The following AGMO variants were observed in gnomAD, a reference collection of about 807,000 sequenced individuals.
AGMO encodes alkylglycerol monooxygenase.
AGMO carries 75 observed loss-of-function variants against 60.2 expected under a neutral mutation model. The observed-to-expected ratio is 1.25, with a 90% CI of 1.03 to 1.51. AGMO has a LOEUF of 1.51. Ranked by LOEUF, AGMO falls within the 40% of genes most tolerant of loss-of-function variation. The pLI, the probability that AGMO is intolerant of heterozygous loss-of-function variation, is 0.00. For missense variants in AGMO, 763 were observed against 525.5 expected, an observed-to-expected ratio of 1.45 and a Z score of -4.42; for synonymous variants, 261 against 177.1, an observed-to-expected ratio of 1.47 and a Z score of -3.76.
the AGMO span, among the ~76,000 whole-genome samples, chr7:15,193,463 A>G: frequency 6.6e-6 from 1 of 152,132 alleles, no homozygotes; most frequent in African/African-American, 2.4e-5. Context: ...ACATAATATA[A>G]GTTTATCTCT....
intron 12 of AGMO, among the ~76,000 whole-genome samples, chr7:15,233,466 C>G (rs1042381657): frequency 6.6e-6 from 1 of 151,770 alleles, no homozygotes; most frequent in Non-Finnish European, 1.5e-5. Context: ...GAAGCAGTTA[C>G]AAAAATGATG....
chr7:15,259,801 C>A (rs1015064861), intron 12 of AGMO, among the ~76,000 whole-genome samples: 18 of 140,664 alleles, frequency 1.3e-4, no homozygotes, highest in African/African-American at 4.8e-4. Flanking sequence ...TTGTATCCAG[C>A]AAAACTAAGC....
At chr7:15,491,849 A>G (rs1253361869) in intron 3 of AGMO, among the ~76,000 whole-genome samples, 1 of 151,930 alleles carries the variant, frequency 6.6e-6, no homozygotes, top group Non-Finnish European at 1.5e-5. Context: ...AGAGGAACTA[A>G]GCCATTTGGT....
At chr7:15,161,282 T>C in the AGMO span, among the ~76,000 whole-genome samples, 5 of 152,140 alleles carry the variant, frequency 3.3e-5, no homozygotes, top group Admixed American at 6.6e-5. Context: ...ATCTAAGCAG[T>C]TGAAAGCTTT....
In AGMO at chr7:15,385,568, G is replaced by T. The variant is rs1284699120; in HGVS notation, c.958-6C>A. On this transcript the variant is annotated splice_region_variant and splice_polypyrimidine_tract_variant and intron_variant, in intron 9 of 12. Transcript: ENST00000342526. ...GGAACTTCTTTGCCGGTGACCTAGG[G>T]AGACAAGAACCATTTCCTTTATATT... 2 of 1,536,636 alleles carry T rather than the reference G, an allele frequency of 1.3e-6. No individual in the cohort carries two copies. The highest frequency in any genetic ancestry group is 1.8e-6 in the Non-Finnish European group (2 of 1,110,272).
the AGMO span, among the ~76,000 whole-genome samples, chr7:15,194,099 C>G: frequency 6.6e-6 from 1 of 152,114 alleles, no homozygotes; most frequent in Non-Finnish European, 1.5e-5. Context: ...CATACTATCT[C>G]TACAAAACAA....
chr7:15,121,215 C>A, the AGMO span, among the ~76,000 whole-genome samples: 1 of 152,162 alleles, frequency 6.6e-6, no homozygotes, highest in Non-Finnish European at 1.5e-5. Context: ...TTTATCCAGT[C>A]TATCATTGAT....
chr7:15,145,030 G>T, the AGMO span, among the ~76,000 whole-genome samples: 1 of 152,200 alleles, frequency 6.6e-6, no homozygotes, highest in South Asian at 2.1e-4. Flanking sequence ...GGGTTTCACC[G>T]TGTTAGCCAG....
chr7:15,124,990 T>C, the AGMO span, among the ~76,000 whole-genome samples: 11 of 152,110 alleles, frequency 7.2e-5, no homozygotes, highest in African/African-American at 2.4e-4. Context: ...TTATAACAAA[T>C]TTATGAAATA....
intron 3 of AGMO, among the ~76,000 whole-genome samples, chr7:15,484,063 T>C (rs556805495): frequency 6.6e-6 from 1 of 152,218 alleles, no homozygotes; most frequent in African/African-American, 2.4e-5. Flanking sequence ...AATTTCTGGG[T>C]CTTAGGATAT....
chr7:15,513,582 C>T (rs772899894), intron 3 of AGMO, among the ~76,000 whole-genome samples: 3 of 152,182 alleles, frequency 2.0e-5, no homozygotes, highest in African/African-American at 4.8e-5. Context: ...AGGATCACTA[C>T]TTATTTCCAT....
intron 2 of AGMO, among the ~76,000 whole-genome samples, chr7:15,553,337 ATAAAT>A (rs1785029774): frequency 6.6e-6 from 1 of 151,566 alleles, no homozygotes; most frequent in Admixed American, 6.6e-5. Context: ...AAATAAATAA[ATAAAT>A]AAAATAAAAT....
intron 6 of AGMO, among the ~76,000 whole-genome samples, chr7:15,391,371 T>C (rs1332564280): frequency 1.3e-5 from 2 of 152,166 alleles, no homozygotes; most frequent in Non-Finnish European, 2.9e-5. Context: ...TGACTAGTTT[T>C]TTTAAGATCA....
intron 4 of AGMO, among the ~76,000 whole-genome samples, chr7:15,420,016 A>G (rs1420559758): frequency 6.6e-6 from 1 of 152,094 alleles, no homozygotes; most frequent in Non-Finnish European, 1.5e-5. Flanking sequence ...TAAGTTGAGG[A>G]GTGTTTTGGA....
At chr7:15,121,822 C>T in the AGMO span, among the ~76,000 whole-genome samples, 1 of 152,012 alleles carries the variant, frequency 6.6e-6, no homozygotes, top group Admixed American at 6.6e-5. Flanking sequence ...GAAAGGATTC[C>T]CTACTTAATA....
chr7:15,428,207 G>A (rs1228675477), intron 4 of AGMO, among the ~76,000 whole-genome samples: 5 of 152,014 alleles, frequency 3.3e-5, no homozygotes, highest in African/African-American at 1.2e-4. Context: ...TAATTTTGAT[G>A]TCTAGGAAGT....
intron 12 of AGMO, among the ~76,000 whole-genome samples, chr7:15,263,677 C>G (rs1309223499): frequency 1.3e-5 from 2 of 152,016 alleles, no homozygotes; most frequent in African/African-American, 4.8e-5. Context: ...CACAAATGCT[C>G]ATCAACCAAT....
intron 3 of AGMO, among the ~76,000 whole-genome samples, chr7:15,522,735 T>C (rs1327197741): frequency 6.6e-6 from 1 of 152,074 alleles, no homozygotes; most frequent in Non-Finnish European, 1.5e-5. Flanking sequence ...CCTCAAACCA[T>C]AAAAACCCTA....
chr7:15,233,362 G>T (rs570328910), intron 12 of AGMO, among the ~76,000 whole-genome samples: 89 of 152,168 alleles, frequency 5.8e-4, no homozygotes, highest in Non-Finnish European at 1.1e-3. Flanking sequence ...GGAGTCACAG[G>T]AAGTGATTCC....
Sources: allele counts gnomAD v4.1 joint callset (sites outside exome capture counted in the v4.1 genomes callset), GRCh38; gene constraint gnomAD v4.1.1; transcripts MANE v1.5; gene names NCBI Gene and HGNC (gene_info 2026-07-23, HGNC 2026-07-21).